Variants in LPAR1 observed in about 807,000 individuals in gnomAD.
LPAR1 encodes the protein lysophosphatidic acid receptor 1, also known as LPA receptor 1.
In LPAR1, 5 loss-of-function variants were observed where a neutral mutation model predicts 23.8. That is an observed-to-expected ratio of 0.21 (90% confidence interval 0.11 to 0.44). The LOEUF (loss-of-function observed/expected upper bound fraction) is 0.44. Among genes scored for constraint, LPAR1 ranks in the 20% least tolerant of loss-of-function variants. The pLI is 0.99. For missense variants in LPAR1, 311 were observed against 482.8 expected (o/e 0.64, Z 3.33); for synonymous variants, 160 against 164.7 (o/e 0.97, Z 0.22).
chr9:110,992,727 C>T (rs1163044381), intron 2 of LPAR1, among the ~76,000 whole-genome samples: 1 of 152,092 alleles, frequency 6.6e-6, no homozygotes, highest in Non-Finnish European at 1.5e-5. Flanking sequence ...ATAAACCAGA[C>T]AAAACACAAC....
chr9:111,012,602 C>T (rs771652727), intron 2 of LPAR1, among the ~76,000 whole-genome samples: 3 of 152,044 alleles, frequency 2.0e-5, no homozygotes, highest in African/African-American at 7.2e-5. Context: ...TCACATCTTT[C>T]AGTTCCAGTC....
intron 2 of LPAR1, among the ~76,000 whole-genome samples, chr9:111,010,818 A>T (rs888639569): frequency 5.3e-5 from 8 of 152,196 alleles, no homozygotes; most frequent in African/African-American, 1.9e-4. Context: ...TTCACATAAA[A>T]TGTCATGACT....
At chr9:111,024,164 T>C (rs2097632467) in intron 2 of LPAR1, among the ~76,000 whole-genome samples, 1 of 151,780 alleles carries the variant, frequency 6.6e-6, no homozygotes, top group Non-Finnish European at 1.5e-5. Flanking sequence ...CTCTAACAAA[T>C]GTAGAAAAAA....
At chr9:111,033,020 A>ACC (rs1252837122) in intron 2 of LPAR1, among the ~76,000 whole-genome samples, 1 of 152,226 alleles carries the variant, frequency 6.6e-6, no homozygotes, top group Admixed American at 6.5e-5. Context: ...TTGTTTTAGC[A>ACC]CTGGACTAAA....
intron 5 of LPAR1, among the ~76,000 whole-genome samples, chr9:110,897,216 G>A (rs2086717709): frequency 6.6e-6 from 1 of 152,162 alleles, no homozygotes; most frequent in Non-Finnish European, 1.5e-5. Context: ...CCCCATGGGA[G>A]ATGACTGAAT....
intron 5 of LPAR1, among the ~76,000 whole-genome samples, chr9:110,882,651 A>G (rs2081199835): frequency 6.6e-6 from 1 of 152,202 alleles, no homozygotes; most frequent in South Asian, 2.1e-4. Context: ...GCACAGATAC[A>G]TAATAAAAGT....
At chr9:110,960,985 T>C (rs775650207) in intron 4 of LPAR1, among the ~76,000 whole-genome samples, 5 of 152,216 alleles carry the variant, frequency 3.3e-5, no homozygotes, top group African/African-American at 1.2e-4. Context: ...TATTTCCTTA[T>C]AAACTTGTTC....
At chr9:110,951,472 G>A (rs2095566261) in intron 4 of LPAR1, among the ~76,000 whole-genome samples, 1 of 152,070 alleles carries the variant, frequency 6.6e-6, no homozygotes, top group South Asian at 2.1e-4. Context: ...AGAAAAAGGG[G>A]CACCGATGTG....
intron 5 of LPAR1, among the ~76,000 whole-genome samples, chr9:110,897,812 T>G (rs979257443): frequency 1.2e-4 from 10 of 86,616 alleles, no homozygotes; most frequent in African/African-American, 1.0e-3. Flanking sequence ...AGGCCTTTGA[T>G]TTTTTTTTTT....
At chr9:110,880,794 T>A (rs1293360535) in intron 5 of LPAR1, among the ~76,000 whole-genome samples, 1 of 152,216 alleles carries the variant, frequency 6.6e-6, no homozygotes, top group Non-Finnish European at 1.5e-5. Context: ...TTTCCCTAAA[T>A]TGTTTATTCC....
intron 2 of LPAR1, chr9:110,999,508 G>A (rs558207050): frequency 9.8e-5 from 44 of 449,586 alleles, no homozygotes; most frequent in South Asian, 6.5e-4. Context: ...GTCAGTTCAG[G>A]CTGCTATGAA....
At chr9:110,979,776 A>C (rs1233030918) in intron 2 of LPAR1, among the ~76,000 whole-genome samples, 1 of 152,128 alleles carries the variant, frequency 6.6e-6, no homozygotes, top group African/African-American at 2.4e-5. Context: ...GAGGAAACTA[A>C]GAAAAAGACA....
intron 5 of LPAR1, among the ~76,000 whole-genome samples, chr9:110,906,077 A>G (rs1473098430): frequency 6.6e-6 from 1 of 152,240 alleles, no homozygotes; most frequent in East Asian, 1.9e-4. Context: ...GAAACAAAGT[A>G]AAACATTTCA....
intron 5 of LPAR1, among the ~76,000 whole-genome samples, chr9:110,897,324 TTGCCTGCCGCCATCCATGTAA>T (rs1188133140): frequency 6.6e-6 from 1 of 152,150 alleles, no homozygotes. Flanking sequence ...AGCTCTCTCT[TTGCCTGCCGCCATCCATGTAA>T]GATGTGACTT....
chr9:110,890,273 C>T lies in LPAR1; in HGVS notation c.794-14551G>A, dbSNP rs1278018493. 2.0e-5 allele frequency among the ~76,000 whole-genome samples: 3 copies of T among 152,054 alleles called. No homozygotes were observed. The East Asian group carries it at 5.8e-4, about 29-fold the overall frequency. Reference sequence around the variant, plus strand: ...ATCTGAATATACCCAAAACAAAAAACATAGAGAATATAATCGTTAAAAAAG... The same window carrying T: ...ATCTGAATATACCCAAAACAAAAAATATAGAGAATATAATCGTTAAAAAAG... On this transcript the variant is annotated intron_variant, in intron 5 of 5. Transcript: ENST00000683809.
intron 2 of LPAR1, among the ~76,000 whole-genome samples, chr9:111,024,385 T>TTA (rs1384995311): frequency 1.4e-5 from 2 of 147,956 alleles, no homozygotes; most frequent in African/African-American, 4.9e-5. Flanking sequence ...ATACATATTT[T>TTA]TATATATATA....
chr9:110,880,034 T>C (rs1317943842), intron 5 of LPAR1, among the ~76,000 whole-genome samples: 2 of 152,172 alleles, frequency 1.3e-5, no homozygotes, highest in Admixed American at 1.3e-4. Context: ...CTTAATTACA[T>C]CTAAATAGGC....
chr9:110,895,709 G>GT (rs1271835062), intron 5 of LPAR1, among the ~76,000 whole-genome samples: 1 of 152,150 alleles, frequency 6.6e-6, no homozygotes, highest in Non-Finnish European at 1.5e-5. Context: ...GGCCACCTCG[G>GT]TAAGATTGGA....
At chr9:111,001,477 C>A (rs755408501) in intron 2 of LPAR1, among the ~76,000 whole-genome samples, 3 of 152,176 alleles carry the variant, frequency 2.0e-5, no homozygotes, top group Non-Finnish European at 4.4e-5. Flanking sequence ...AAATGATACA[C>A]ATGACATTAC....
Sources: allele counts gnomAD v4.1 joint callset (sites outside exome capture counted in the v4.1 genomes callset), GRCh38; gene constraint gnomAD v4.1.1; transcripts MANE v1.5; gene names NCBI Gene and HGNC (gene_info 2026-07-23, HGNC 2026-07-21).